Variants in CENPW observed in about 807,000 individuals in gnomAD.
CENPW encodes the protein centromere protein W.
In CENPW, 3 loss-of-function variants were observed where a neutral mutation model predicts 11.1. The ratio of observed to expected loss-of-function variants is 0.27; its 90% CI spans 0.12 to 0.70. The LOEUF (loss-of-function observed/expected upper bound fraction) is 0.70, where lower values mean the gene tolerates loss of function less well. Among genes scored for constraint, CENPW ranks in the 30% least tolerant of loss-of-function variants. CENPW has a pLI of 0.77. For synonymous variants in CENPW, 38 were observed against 42.0 expected, an observed-to-expected ratio of 0.91 and a Z score of 0.37; for missense variants, 100 against 105.6, an observed-to-expected ratio of 0.95 and a Z score of 0.23.
the CENPW span, among the ~76,000 whole-genome samples, chr6:126,361,183 A>G: frequency 5.9e-5 from 9 of 152,318 alleles, no homozygotes; most frequent in African/African-American, 2.2e-4. Context: ...TGTATATTAG[A>G]TAATTTTGGT....
chr6:126,413,884 A>G, the CENPW span, among the ~76,000 whole-genome samples: 2 of 152,102 alleles, frequency 1.3e-5, no homozygotes, highest in East Asian at 3.9e-4. Context: ...AGCTGAATGG[A>G]TTTTTTAAAA....
the CENPW span, among the ~76,000 whole-genome samples, chr6:126,470,838 A>G: frequency 6.6e-6 from 1 of 152,236 alleles, no homozygotes; most frequent in Non-Finnish European, 1.5e-5. Flanking sequence ...GGACTTGCAC[A>G]GGGCCTGTGG....
chr6:126,397,639 C>T, the CENPW span, among the ~76,000 whole-genome samples: 3 of 152,076 alleles, frequency 2.0e-5, no homozygotes, highest in African/African-American at 7.2e-5. Context: ...CAGTGGAGGC[C>T]TCTATTCAGC....
chr6:126,362,635 A>G, the CENPW span, among the ~76,000 whole-genome samples: 7 of 152,178 alleles, frequency 4.6e-5, no homozygotes, highest in African/African-American at 1.2e-4. Flanking sequence ...TTGATTATAT[A>G]TAACAGTTCT....
At chr6:126,439,761 C>T in the CENPW span, among the ~76,000 whole-genome samples, 1 of 151,552 alleles carries the variant, frequency 6.6e-6, no homozygotes, top group Non-Finnish European at 1.5e-5. Flanking sequence ...TCTAGGCCTT[C>T]TTATACTTCA....
chr6:126,372,087 G>A, the CENPW span, among the ~76,000 whole-genome samples: 1 of 151,860 alleles, frequency 6.6e-6, no homozygotes, highest in South Asian at 2.1e-4. Context: ...ATTTCATTTA[G>A]TTCTGTTGTG....
chr6:126,365,290 A>G, the CENPW span, among the ~76,000 whole-genome samples: 3 of 152,226 alleles, frequency 2.0e-5, no homozygotes, highest in Non-Finnish European at 4.4e-5. Context: ...CTGTTGTCAC[A>G]TTACTGTAAG....
chr6:126,397,487 G>A, the CENPW span, among the ~76,000 whole-genome samples: 3 of 152,088 alleles, frequency 2.0e-5, no homozygotes, highest in Non-Finnish European at 1.5e-5. Context: ...TCTTCAGTGC[G>A]TCTTTCAGTA....
downstream of CENPW, among the ~76,000 whole-genome samples, chr6:126,350,378 T>C (rs1022148903): frequency 8.5e-5 from 13 of 152,130 alleles, no homozygotes; most frequent in Non-Finnish European, 5.9e-5. Context: ...CTCTTCTGAG[T>C]TGCAGACTGC....
At chr6:126,346,183 A>T (rs755932647) in intron 1 of CENPW, 22 bp from the exon 2 acceptor site, 5 of 1,436,716 alleles carry the variant, frequency 3.5e-6, no homozygotes, top group Non-Finnish European at 4.8e-6. Flanking sequence ...TTAAAAATCC[A>T]CTTGGATTTT....
the CENPW span, among the ~76,000 whole-genome samples, chr6:126,462,024 C>T: frequency 1.3e-5 from 2 of 151,916 alleles, no homozygotes; most frequent in South Asian, 4.1e-4. Flanking sequence ...GTATGCTATT[C>T]TCCTAGGAGA....
the CENPW span, among the ~76,000 whole-genome samples, chr6:126,432,011 G>A: frequency 7.5e-6 from 1 of 133,888 alleles, no homozygotes; most frequent in Non-Finnish European, 1.5e-5. Context: ...GTTGTGGTGA[G>A]CCAAGATCAC....
At chr6:126,404,919 A>C in the CENPW span, among the ~76,000 whole-genome samples, 3 of 151,346 alleles carry the variant, frequency 2.0e-5, no homozygotes, top group African/African-American at 7.3e-5. Flanking sequence ...TTGTTGGATA[A>C]ATACTTTGCC....
At chr6:126,452,900 A>T in the CENPW span, among the ~76,000 whole-genome samples, 1 of 151,118 alleles carries the variant, frequency 6.6e-6, no homozygotes, top group African/African-American at 2.4e-5. Flanking sequence ...ATGATCCATT[A>T]CTTATAGAGG....
At chr6:126,413,832 G>A in the CENPW span, among the ~76,000 whole-genome samples, 54 of 151,958 alleles carry the variant, frequency 3.6e-4, no homozygotes, top group African/African-American at 8.2e-4. Context: ...ATAATAATTT[G>A]TATATAAATG....
chr6:126,461,922 A>T, the CENPW span, among the ~76,000 whole-genome samples: 26 of 152,096 alleles, frequency 1.7e-4, no homozygotes, highest in African/African-American at 6.0e-4. Flanking sequence ...CTCTTTAGGA[A>T]TCATTGTCTA....
chr6:126,431,114 A>T, the CENPW span, among the ~76,000 whole-genome samples: 1 of 152,118 alleles, frequency 6.6e-6, no homozygotes, highest in Non-Finnish European at 1.5e-5. Context: ...TTTTCTTCCT[A>T]TTTTATCCTA....
chr6:126,387,349 T>C, the CENPW span, among the ~76,000 whole-genome samples: 4 of 151,964 alleles, frequency 2.6e-5, no homozygotes, highest in African/African-American at 9.7e-5. Context: ...TAAGTATAAA[T>C]GTGGTGTTTC....
the CENPW span, among the ~76,000 whole-genome samples, chr6:126,483,222 G>T: frequency 2.6e-5 from 4 of 151,558 alleles, no homozygotes; most frequent in Admixed American, 1.3e-4. Flanking sequence ...GTAGATTCTT[G>T]TAAATTTTCT....
Sources: gnomAD v4.1 joint callset for allele counts (sites outside exome capture counted in the v4.1 genomes callset) on GRCh38, gnomAD v4.1.1 for gene constraint, MANE v1.5 for transcripts, NCBI Gene and HGNC (gene_info 2026-07-23, HGNC 2026-07-21) for gene names.